RNF19B: variants seen among roughly 807,000 people sequenced by gnomAD.
RNF19B encodes the protein E3 ubiquitin-protein ligase RNF19B.
In RNF19B, 23 loss-of-function variants were observed where a neutral mutation model predicts 65.5. That is an observed-to-expected ratio of 0.35 (90% confidence interval 0.25 to 0.50). RNF19B has a LOEUF of 0.50. RNF19B is among the 20% of genes least tolerant of loss of function. The pLI, the probability that RNF19B is intolerant of heterozygous loss-of-function variation, is 0.98. For missense variants in RNF19B, 794 were observed against 980.0 expected (o/e 0.81, Z 2.53); for synonymous variants, 372 against 379.6 (o/e 0.98, Z 0.23).
downstream of RNF19B, among the ~76,000 whole-genome samples, chr1:32,933,906 TA>T (rs1570067612): frequency 6.6e-6 from 1 of 152,144 alleles, no homozygotes; most frequent in East Asian, 1.9e-4. Context: ...GGAACCCAGA[TA>T]AGAAATATAG....
chr1:32,947,371 T>G (rs1642389819), intron 3 of RNF19B, among the ~76,000 whole-genome samples: 1 of 152,212 alleles, frequency 6.6e-6, no homozygotes, highest in Non-Finnish European at 1.5e-5. Flanking sequence ...TAATATTCAC[T>G]CAATGAGGCT....
chr1:32,963,597 A>G (rs1642822877), intron 1 of RNF19B, among the ~76,000 whole-genome samples: 1 of 151,998 alleles, frequency 6.6e-6, no homozygotes, highest in African/African-American at 2.4e-5. Context: ...GGGCGCCTGT[A>G]ATCCCAGCTA....
intron 4 of RNF19B, 87 bp downstream of exon 4, chr1:32,946,315 G>GA: frequency 8.4e-7 from 1 of 1,195,632 alleles, no homozygotes; most frequent in East Asian, 2.4e-5. Flanking sequence ...AGGCAGCTCT[G>GA]AAACATAGCT....
chr1:32,932,269 T>C (rs1347321901), downstream of RNF19B, among the ~76,000 whole-genome samples: 1 of 152,166 alleles, frequency 6.6e-6, no homozygotes, highest in Non-Finnish European at 1.5e-5. Context: ...CAAGAAAACA[T>C]ATCGCAAACT....
intron 1 of RNF19B, among the ~76,000 whole-genome samples, chr1:32,957,936 CTTA>C (rs1238507888): frequency 6.6e-6 from 1 of 152,176 alleles, no homozygotes; most frequent in Non-Finnish European, 1.5e-5. Flanking sequence ...GCTCATATTT[CTTA>C]TCTTTTTCAT....
rs775945827 is a variant in RNF19B at position 32,949,617 on chromosome 1, G to A, written c.793C>T (p.Arg265Trp). The A allele has an allele frequency of 3.1e-6, 5 of 1,613,836 alleles. No individual in the cohort carries two copies. The highest frequency in any genetic ancestry group is 4.2e-6 in the Non-Finnish European group (5 of 1,180,030). ...CTGAGACCTGAAGTGTGTTTGGTCC[G>A]AACTCGTAAAGTCTGGGCCCTCTGT... ...RQQRAQTLRV[R>W]TKHTSGLSYG... The change falls in exon 2 of 9, where the codon CGG becomes TGG. Residue 265 changes from arginine (R) to tryptophan (W), a missense_variant. Coordinates refer to ENST00000235150, the MANE Select transcript of RNF19B (RefSeq NM_001300826.2).
chr1:32,958,848 G>C (rs1272820631), intron 1 of RNF19B, among the ~76,000 whole-genome samples: 1 of 152,134 alleles, frequency 6.6e-6, no homozygotes, highest in East Asian at 1.9e-4. Context: ...CTTAGGCAGG[G>C]GAGTGATACA....
downstream of RNF19B, among the ~76,000 whole-genome samples, chr1:32,935,742 T>C (rs776060740): frequency 3.3e-5 from 5 of 151,970 alleles, no homozygotes; most frequent in Non-Finnish European, 7.4e-5. Context: ...CTTGTAACCA[T>C]GCAACATTCA....
chr1:32,936,131 G>A (rs1642093860), downstream of RNF19B, among the ~76,000 whole-genome samples: 2 of 152,168 alleles, frequency 1.3e-5, no homozygotes, highest in Admixed American at 1.3e-4. Context: ...CTATAATGCA[G>A]AAAAGGGCAA....
chr1:32,955,082 T>C (rs547306474), intron 1 of RNF19B, among the ~76,000 whole-genome samples: 11 of 152,254 alleles, frequency 7.2e-5, no homozygotes, highest in African/African-American at 2.4e-4. Flanking sequence ...AACACTTACA[T>C]TATAATGTAA....
downstream of RNF19B, among the ~76,000 whole-genome samples, chr1:32,934,649 CCA>C (rs1405011743): frequency 2.0e-5 from 3 of 152,058 alleles, no homozygotes; most frequent in African/African-American, 7.2e-5. Flanking sequence ...CCACTGCACT[CCA>C]GTCTGGGGGA....
chr1:32,964,692 C>T lies in RNF19B; in HGVS notation c.-7G>A, dbSNP rs1330688635. ...AGTCCTTCTCGGAGCCCATGGCCGG[C>T]AGAGGCCGAGGAGCCAGGGGCGCCC... On this transcript the variant is annotated 5_prime_UTR_variant, in exon 1 of 9. Transcript: ENST00000235150. The surrounding 1 kb of genome is among the most constrained non-coding windows in gnomAD (Gnocchi z 6.5). 1 of 1,458,038 alleles carries T rather than the reference C, an allele frequency of 6.9e-7. No individual in the cohort carries two copies. 90.3% of individuals were successfully genotyped at this position (1,458,038 alleles called of 1,614,324 possible). A position where few individuals can be genotyped will look rare whatever the true frequency, so the allele number is the denominator to read the frequency against.
At chr1:32,956,877 C>CCCTAG (rs1642651257) in intron 1 of RNF19B, among the ~76,000 whole-genome samples, 1 of 152,042 alleles carries the variant, frequency 6.6e-6, no homozygotes, top group African/African-American at 2.4e-5. Flanking sequence ...ACAAATAGAC[C>CCCTAG]CCTAGTAGGC....
the RNF19B span, among the ~76,000 whole-genome samples, chr1:32,930,590 T>G: frequency 6.6e-6 from 1 of 152,116 alleles, no homozygotes; most frequent in Non-Finnish European, 1.5e-5. Flanking sequence ...TAACTTTTTG[T>G]AGAGATGGGG....
chr1:32,935,154 T>C (rs1289027969), downstream of RNF19B, among the ~76,000 whole-genome samples: 2 of 150,946 alleles, frequency 1.3e-5, no homozygotes, highest in Non-Finnish European at 2.9e-5. Context: ...TTATTTTATT[T>C]TTGAGATGGA....
downstream of RNF19B, among the ~76,000 whole-genome samples, chr1:32,935,004 G>T (rs1289290760): frequency 6.7e-6 from 1 of 150,034 alleles, no homozygotes; most frequent in East Asian, 2.0e-4. Context: ...GCTAATTTTT[G>T]TATTTTTAGT....
At chr1:32,956,793 T>C (rs1642648922) in intron 1 of RNF19B, among the ~76,000 whole-genome samples, 1 of 152,158 alleles carries the variant, frequency 6.6e-6, no homozygotes. Flanking sequence ...CTTCAGTGGT[T>C]AAAGAAATGT....
the RNF19B span, among the ~76,000 whole-genome samples, chr1:32,929,738 G>A: frequency 2.0e-5 from 3 of 152,134 alleles, no homozygotes; most frequent in Admixed American, 6.5e-5. Context: ...ACTCAAAACA[G>A]GCCTCTATTT....
At chr1:32,949,315 G>A (rs1208225757) in intron 2 of RNF19B, among the ~76,000 whole-genome samples, 1 of 152,138 alleles carries the variant, frequency 6.6e-6, no homozygotes, top group East Asian at 1.9e-4. Context: ...TCCAATCTGA[G>A]ACATATTACT....
Sources: allele counts gnomAD v4.1 joint callset (sites outside exome capture counted in the v4.1 genomes callset), GRCh38; gene constraint gnomAD v4.1.1; non-coding constraint Gnocchi (gnomAD v3.1); transcripts MANE v1.5; gene names NCBI Gene and HGNC (gene_info 2026-07-23, HGNC 2026-07-21).